Variants in ASB3 observed in about 807,000 individuals in gnomAD.
The protein encoded by ASB3 is ankyrin repeat and SOCS box protein 3.
In ASB3, 41 loss-of-function variants were observed where a neutral mutation model predicts 54.5. The observed-to-expected ratio is 0.75, with a 90% CI of 0.59 to 0.98. The LOEUF (loss-of-function observed/expected upper bound fraction) is 0.98. Ranked by LOEUF, ASB3 falls within the 50% of genes least tolerant of loss-of-function variation. The probability of loss-of-function intolerance (pLI) is 0.00; values close to 1 mark genes in which losing one functional copy is unlikely to be tolerated. For missense variants in ASB3, 733 were observed against 620.0 expected (o/e 1.18, Z -1.94); for synonymous variants, 266 against 221.2 (o/e 1.20, Z -1.80).
chr2:53,716,430 A>T, intron 6 of ASB3, 136 bp downstream of exon 6: 1 of 1,049,132 alleles, frequency 9.5e-7, no homozygotes, highest in Non-Finnish European at 1.4e-6. Context: ...GATTAGGGGT[A>T]GATCTGTTCA....
rs561619217 is a variant in ASB3, at chr2:53,766,570, G to C, written c.-13-985C>G. 4.6e-5 allele frequency among the ~76,000 whole-genome samples: 7 copies of C among 152,180 alleles called. No homozygotes were observed. In the East Asian group the frequency reaches 7.7e-4, roughly 17 times the overall value. On this transcript the variant is annotated intron_variant, in intron 1 of 9. Coordinates refer to ENST00000263634, the MANE Select transcript of ASB3 (RefSeq NM_016115.5). ...GTGGCAGTAAAATGTCATAACACAA[G>C]CAACTTCAAATGTTCTCCATTTAAA...
intron 3 of ASB3, among the ~76,000 whole-genome samples, chr2:53,742,403 G>C (rs1240117325): frequency 6.6e-6 from 1 of 151,914 alleles, no homozygotes; most frequent in Non-Finnish European, 1.5e-5. Context: ...CAAGAATAAA[G>C]GAAGAAAAGT....
chr2:53,698,101 C>G (rs1669284914), intron 8 of ASB3, among the ~76,000 whole-genome samples: 1 of 152,114 alleles, frequency 6.6e-6, no homozygotes, highest in African/African-American at 2.4e-5. Flanking sequence ...TGCCTGAGCC[C>G]CCAGACTGTT....
chr2:53,763,753 T>C (rs1037469817), intron 2 of ASB3: 6 of 157,926 alleles, frequency 3.8e-5, no homozygotes, highest in African/African-American at 1.2e-4. Flanking sequence ...AATGAGCTTT[T>C]TGCCTAGAAA....
intron 8 of ASB3, 98 bp from the exon 9 acceptor site, chr2:53,694,112 TGAG>T: frequency 7.1e-7 from 1 of 1,417,378 alleles, no homozygotes; most frequent in Non-Finnish European, 9.6e-7. Context: ...AAAATCTCAA[TGAG>T]GAGGGCAGAC....
At chr2:53,780,020 G>A (rs1250445179) in intron 1 of ASB3, among the ~76,000 whole-genome samples, 1 of 152,174 alleles carries the variant, frequency 6.6e-6, no homozygotes, top group Non-Finnish European at 1.5e-5. Flanking sequence ...CTCAACTAAA[G>A]AGCCTTATCA....
At chr2:53,783,998 T>C (rs1226146797) in intron 1 of ASB3, among the ~76,000 whole-genome samples, 2 of 152,240 alleles carry the variant, frequency 1.3e-5, no homozygotes, top group East Asian at 3.8e-4. Context: ...AAATTACATG[T>C]GTGAGAGCTG....
chr2:53,702,893 A>C (rs1198988105), intron 7 of ASB3, among the ~76,000 whole-genome samples: 1 of 152,240 alleles, frequency 6.6e-6, no homozygotes, highest in Non-Finnish European at 1.5e-5. Flanking sequence ...TATTAGGTGA[A>C]TTATAACAGG....
intron 9 of ASB3, among the ~76,000 whole-genome samples, chr2:53,683,238 C>A (rs1414209731): frequency 1.3e-5 from 2 of 152,068 alleles, no homozygotes; most frequent in East Asian, 3.8e-4. Context: ...GGGTTTTGTC[C>A]TTCACTTTGT....
chr2:53,729,653 T>C, intron 3 of ASB3, 83 bp from the exon 4 acceptor site: 2 of 1,161,962 alleles, frequency 1.7e-6, no homozygotes, highest in Non-Finnish European at 2.6e-6. Flanking sequence ...TTCTCATCAC[T>C]TACTCACCTC....
chr2:53,710,169 G>T (rs1013201341), intron 7 of ASB3, among the ~76,000 whole-genome samples: 1 of 152,226 alleles, frequency 6.6e-6, no homozygotes, highest in Non-Finnish European at 1.5e-5. Context: ...AACTCCAGAA[G>T]CTGCATGGCT....
intron 3 of ASB3, 81 bp downstream of exon 3, chr2:53,750,702 C>A: frequency 7.2e-7 from 1 of 1,381,056 alleles, no homozygotes; most frequent in Non-Finnish European, 9.5e-7. Flanking sequence ...AGCACAACAG[C>A]TGAAGGAAAA....
At chr2:53,683,160 G>A (rs886289549) in intron 9 of ASB3, among the ~76,000 whole-genome samples, 3 of 152,112 alleles carry the variant, frequency 2.0e-5, no homozygotes, top group Non-Finnish European at 4.4e-5. Flanking sequence ...GGTTTTTTGA[G>A]GGTTTTGTCA....
At chr2:53,771,185 A>G (rs61226930) in intron 1 of ASB3, among the ~76,000 whole-genome samples, 2,534 of 152,290 alleles carry the variant, frequency 0.017, 72 homozygotes, top group African/African-American at 0.058. Context: ...CCCTATATAT[A>G]GGAAAGCACC....
At position 53,707,951 on chromosome 2, in the gene ASB3, G is replaced by A. The variant is rs1271891465; in HGVS notation, c.980+6433C>T. ...CCCTCCAGCCTGGGTGATAGAGTCA[G>A]ACTCTGTCTCAAAAAAAAAAAAAAA... On this transcript the variant is annotated intron_variant, in intron 7 of 9. Transcript: ENST00000263634. Among the ~76,000 whole-genome samples, 3 of 126,736 alleles carry A rather than the reference G, an allele frequency of 2.4e-5. No homozygotes were observed. The South Asian group carries it at 7.9e-4, about 34-fold the overall frequency. The allele number at this position is 126,736 out of a possible 152,430, so 83.1% of individuals were successfully genotyped here.
In ASB3 at chr2:53,765,358, T is replaced by A; in HGVS notation, c.196+19A>T. ...ATCCAGCTTGTAGGCAAAGCCTCCATACCTTGAATTTACTTTACCTGCATT... is the reference window on the plus strand; with the variant it reads ...ATCCAGCTTGTAGGCAAAGCCTCCAAACCTTGAATTTACTTTACCTGCATT... On this transcript the variant is annotated intron_variant, in intron 2 of 9. Coordinates refer to ENST00000263634, the MANE Select transcript of ASB3 (RefSeq NM_016115.5). 2 of 1,614,036 alleles carry A rather than the reference T, an allele frequency of 1.2e-6. No homozygotes were observed. The highest frequency in any genetic ancestry group is 1.7e-6 in the Non-Finnish European group (2 of 1,179,954).
In ASB3 at chr2:53,736,534, T is replaced by C. The variant is rs887370593; in HGVS notation, c.356-6964A>G. Among the ~76,000 whole-genome samples, 38 of 151,654 alleles carry C rather than the reference T, an allele frequency of 2.5e-4. 8 individuals carry two copies. The highest frequency in any genetic ancestry group is 2.3e-3 in the Admixed American group (35 of 15,230). The stretch of plus-strand genomic sequence containing the variant: ...TAACACGGTGAAACCCTGTCTCTAC[T>C]AAAAATACAAAAATATTAGCCAGGC... On this transcript the variant is annotated intron_variant, in intron 3 of 9. Transcript: ENST00000263634.
chr2:53,723,426 T>C (rs903858233), intron 5 of ASB3, among the ~76,000 whole-genome samples: 3 of 152,152 alleles, frequency 2.0e-5, no homozygotes, highest in African/African-American at 7.2e-5. Flanking sequence ...TCTGGTGCAC[T>C]CATCACCCAA....
At chr2:53,767,731 C>T (rs1049274902) in intron 1 of ASB3, 1 of 835,668 alleles carries the variant, frequency 1.2e-6, no homozygotes, top group Non-Finnish European at 1.8e-6. Flanking sequence ...CTCGGAAAAT[C>T]TTTCTGGATC....
Sources: allele counts gnomAD v4.1 joint callset (sites outside exome capture counted in the v4.1 genomes callset), GRCh38; gene constraint gnomAD v4.1.1; transcripts MANE v1.5; gene names NCBI Gene and HGNC (gene_info 2026-07-23, HGNC 2026-07-21).